Variants in CRPPA observed in about 807,000 individuals in gnomAD.
CRPPA encodes D-ribitol-5-phosphate cytidylyltransferase.
Under a neutral mutation model 52.0 loss-of-function variants are expected in CRPPA, and 43 were observed. That is an observed-to-expected ratio of 0.83 (90% CI 0.65 to 1.07). The LOEUF (loss-of-function observed/expected upper bound fraction) is 1.07. Ranked by LOEUF, CRPPA falls within the 50% of genes least tolerant of loss-of-function variation. The probability of loss-of-function intolerance (pLI) is 0.00; values close to 1 mark genes in which losing one functional copy is unlikely to be tolerated. For synonymous variants in CRPPA, 250 were observed against 203.5 expected (o/e 1.23, Z -1.94); for missense variants, 629 against 551.7 (o/e 1.14, Z -1.40).
intron 3 of CRPPA, among the ~76,000 whole-genome samples, chr7:16,329,433 A>G (rs1008835930): frequency 2.0e-5 from 3 of 152,190 alleles, no homozygotes; most frequent in Non-Finnish European, 4.4e-5. Flanking sequence ...CCTCTAGATT[A>G]TCTGGTAATG....
At position 16,365,300 on chromosome 7, in the gene CRPPA, A is replaced by G. The variant is rs141556985; in HGVS notation, c.684+10792T>C. On this transcript the variant is annotated intron_variant, in intron 3 of 9. Coordinates refer to ENST00000407010, the MANE Select transcript of CRPPA (RefSeq NM_001101426.4). ...TTAGAACAGGACATTGGAGGTAACA[A>G]TACAACATTTTTGGATAAGCCTGTC... is the stretch of plus-strand genomic sequence containing the variant. 3.9e-4 allele frequency among the ~76,000 whole-genome samples: 60 copies of G among 152,338 alleles called. No individual in the cohort carries two copies. The East Asian group carries it at 0.011, about 29-fold the overall frequency.
intron 9 of CRPPA, among the ~76,000 whole-genome samples, chr7:16,109,709 C>G (rs1782223192): frequency 6.6e-6 from 1 of 151,818 alleles, no homozygotes; most frequent in Non-Finnish European, 1.5e-5. Flanking sequence ...AGGAAAAAAC[C>G]ATATAATCTC....
At chr7:16,411,238 T>C (rs191736762) in intron 1 of CRPPA, among the ~76,000 whole-genome samples, 22 of 152,310 alleles carry the variant, frequency 1.4e-4, no homozygotes, top group African/African-American at 4.3e-4. Context: ...GGCAGTAACC[T>C]GCCCATAATC....
chr7:16,315,501 A>G (rs1785126039), intron 3 of CRPPA, among the ~76,000 whole-genome samples: 1 of 152,138 alleles, frequency 6.6e-6, no homozygotes, highest in Non-Finnish European at 1.5e-5. Context: ...GAGGATGACT[A>G]GAGTGGTATG....
chr7:16,406,262 C>T lies in CRPPA; in HGVS notation c.333G>A (p.Lys111=). ...NMEVMKSIIQ[K]YQHKRISLVE... Reference sequence around the variant, plus strand: ...CCAGTGAGATGCGTTTATGCTGATACTTCTGAATAATACTTTTCATTACTT... The same window carrying T: ...CCAGTGAGATGCGTTTATGCTGATATTTCTGAATAATACTTTTCATTACTT... The change falls in exon 2 of 10, where the codon AAG becomes AAA. Residue 111 remains lysine (K), a synonymous_variant. Coordinates refer to ENST00000407010, the MANE Select transcript of CRPPA (RefSeq NM_001101426.4). 6.2e-7 allele frequency: 1 copy of T among 1,613,874 alleles called. No homozygotes were observed. Among genetic ancestry groups the T allele is most frequent in the South Asian group, 1.1e-5 (1 of 91,082 alleles).
At chr7:16,320,456 T>A (rs62441887) in intron 3 of CRPPA, among the ~76,000 whole-genome samples, 3 of 152,160 alleles carry the variant, frequency 2.0e-5, no homozygotes, top group African/African-American at 7.2e-5. Flanking sequence ...AAAAAAAAGT[T>A]AGAAACCGTT....
At chr7:16,279,504 A>C (rs960662439) in intron 5 of CRPPA, among the ~76,000 whole-genome samples, 5 of 152,212 alleles carry the variant, frequency 3.3e-5, no homozygotes, top group Non-Finnish European at 7.3e-5. Flanking sequence ...AAAGGATTCA[A>C]ATCCAAAAAA....
In CRPPA at chr7:16,231,725, A is replaced by T. The variant is rs1386167735; in HGVS notation, c.1120-15528T>A. Among the ~76,000 whole-genome samples the T allele has an allele frequency of 2.6e-5, 4 of 152,220 alleles. No homozygotes were observed. The East Asian group carries it at 7.7e-4, about 29-fold the overall frequency. On this transcript the variant is annotated intron_variant, in intron 8 of 9. Coordinates refer to ENST00000407010, the MANE Select transcript of CRPPA (RefSeq NM_001101426.4). ...AAACACTCAAAATTTAGATGAATCC[A>T]GTTTCTGTTTCTACCCAAGGGGGGA...
chr7:16,129,926 C>T (rs1373921698), intron 9 of CRPPA, among the ~76,000 whole-genome samples: 2 of 152,182 alleles, frequency 1.3e-5, no homozygotes, highest in African/African-American at 2.4e-5. Context: ...AACATTCCAA[C>T]TCACAGGATT....
At chr7:16,420,122 G>A (rs1788291028) in intron 1 of CRPPA, among the ~76,000 whole-genome samples, 1 of 152,122 alleles carries the variant, frequency 6.6e-6, no homozygotes, top group Non-Finnish European at 1.5e-5. Flanking sequence ...CCTTGGACTA[G>A]AACCTCACTA....
At chr7:16,222,207 A>AAC (rs755927903) in intron 8 of CRPPA, among the ~76,000 whole-genome samples, 2 of 150,612 alleles carry the variant, frequency 1.3e-5, no homozygotes, top group Admixed American at 6.7e-5. Context: ...CAAAAAACCA[A>AAC]ACCGCATATT....
intron 5 of CRPPA, among the ~76,000 whole-genome samples, chr7:16,287,919 AAGGAAGGG>A (rs1482026966): frequency 7.6e-6 from 1 of 131,304 alleles, no homozygotes; most frequent in African/African-American, 2.8e-5. Context: ...GAAAGGAAGG[AAGGAAGGG>A]AGGGAGGGAG....
At chr7:16,325,956 T>C (rs1047375879) in intron 3 of CRPPA, among the ~76,000 whole-genome samples, 3 of 151,946 alleles carry the variant, frequency 2.0e-5, no homozygotes, top group Non-Finnish European at 4.4e-5. Context: ...AGAACTACTG[T>C]TAAAAACAAC....
intron 9 of CRPPA, among the ~76,000 whole-genome samples, chr7:16,103,520 A>G (rs1583357256): frequency 6.6e-6 from 1 of 152,224 alleles, no homozygotes; most frequent in South Asian, 2.1e-4. Context: ...CACCATAAAA[A>G]TAAAAACCTT....
At chr7:16,334,766 G>A (rs1785637982) in intron 3 of CRPPA, among the ~76,000 whole-genome samples, 1 of 152,124 alleles carries the variant, frequency 6.6e-6, no homozygotes, top group Non-Finnish European at 1.5e-5. Flanking sequence ...AATTAGAGAA[G>A]CTGACACCAA....
chr7:16,217,099 C>T (rs761937579), intron 8 of CRPPA, among the ~76,000 whole-genome samples: 9,807 of 149,498 alleles, frequency 0.066, 336 homozygotes, highest in East Asian at 0.13. Context: ...GATCTGAGAA[C>T]GGGCAGACTG....
At chr7:16,238,087 T>C (rs1782999003) in intron 8 of CRPPA, among the ~76,000 whole-genome samples, 1 of 152,192 alleles carries the variant, frequency 6.6e-6, no homozygotes, top group African/African-American at 2.4e-5. Flanking sequence ...TGGCTAACTC[T>C]GGTCATTTTA....
intron 3 of CRPPA, among the ~76,000 whole-genome samples, chr7:16,341,564 A>AT (rs1439508177): frequency 1.3e-5 from 2 of 152,106 alleles, no homozygotes; most frequent in Non-Finnish European, 2.9e-5. Context: ...GAGCTGCCCT[A>AT]TTTTTTCAGT....
At chr7:16,369,448 G>A (rs1383778738) in intron 3 of CRPPA, among the ~76,000 whole-genome samples, 1 of 152,170 alleles carries the variant, frequency 6.6e-6, no homozygotes, top group African/African-American at 2.4e-5. Flanking sequence ...CCTGGTTTCG[G>A]GCCTGGCACC....
Sources: allele counts gnomAD v4.1 joint callset (sites outside exome capture counted in the v4.1 genomes callset), GRCh38; gene constraint gnomAD v4.1.1; transcripts MANE v1.5; gene names NCBI Gene and HGNC (gene_info 2026-07-23, HGNC 2026-07-21).